HDAC9: variants seen among roughly 807,000 people sequenced by gnomAD.
HDAC9 encodes MEF-2 interacting transcription repressor (MITR) protein.
A neutral mutation model predicts 139.4 loss-of-function variants in HDAC9; 41 were observed. The observed-to-expected ratio is 0.29, with a 90% CI of 0.23 to 0.38. The LOEUF is 0.38. Among genes scored for constraint, HDAC9 ranks in the 10% least tolerant of loss-of-function variants. The probability of loss-of-function intolerance (pLI) is 1.00; values close to 1 mark genes in which losing one functional copy is unlikely to be tolerated. For synonymous variants in HDAC9, 517 were observed against 476.2 expected (o/e 1.09, Z -1.12); for missense variants, 1,147 against 1,297.0 (o/e 0.88, Z 1.78).
chr7:18,365,994 T>A (rs1784150992), intron 1 of HDAC9, among the ~76,000 whole-genome samples: 1 of 151,996 alleles, frequency 6.6e-6, no homozygotes, highest in Non-Finnish European at 1.5e-5. Flanking sequence ...AAAAATTGTT[T>A]TCTGTCACCA....
intron 21 of HDAC9, among the ~76,000 whole-genome samples, chr7:18,844,292 A>G (rs943276392): frequency 6.6e-6 from 1 of 152,140 alleles, no homozygotes; most frequent in Non-Finnish European, 1.5e-5. Context: ...GAGCTTATGA[A>G]CGACAAAGCT....
intron 2 of HDAC9, among the ~76,000 whole-genome samples, chr7:18,510,117 G>A (rs1422819413): frequency 6.6e-6 from 1 of 152,126 alleles, no homozygotes; most frequent in Non-Finnish European, 1.5e-5. Flanking sequence ...AGGTGTTAGA[G>A]CTTTTTGCCC....
At chr7:18,735,862 A>G (rs962544110) in intron 13 of HDAC9, among the ~76,000 whole-genome samples, 43 of 152,248 alleles carry the variant, frequency 2.8e-4, no homozygotes, top group Non-Finnish European at 4.3e-4. Flanking sequence ...CTTCCTAACC[A>G]TGAGCATAGA....
chr7:18,393,337 G>A (rs1246396584), intron 1 of HDAC9, among the ~76,000 whole-genome samples: 1 of 152,158 alleles, frequency 6.6e-6, no homozygotes, highest in Non-Finnish European at 1.5e-5. Context: ...ATCTTGACCA[G>A]ATAGGATCAG....
chr7:18,129,991 T>G (rs1048097973), intron 1 of HDAC9, among the ~76,000 whole-genome samples: 1 of 152,142 alleles, frequency 6.6e-6, no homozygotes, highest in African/African-American at 2.4e-5. Context: ...GATGATTAGT[T>G]CTTGGCTAGA....
intron 2 of HDAC9, among the ~76,000 whole-genome samples, chr7:18,226,730 A>C (rs946551362): frequency 1.3e-5 from 2 of 152,222 alleles, no homozygotes; most frequent in Non-Finnish European, 2.9e-5. Flanking sequence ...ATGTCTTAAC[A>C]CATCTGTGGA....
chr7:18,704,713 C>T (rs567651055), intron 12 of HDAC9, among the ~76,000 whole-genome samples: 3 of 152,254 alleles, frequency 2.0e-5, no homozygotes, highest in African/African-American at 7.2e-5. Context: ...TGATTTTAAA[C>T]ATCTGAGGAG....
intron 1 of HDAC9, among the ~76,000 whole-genome samples, chr7:18,428,242 A>G (rs374762305): frequency 6.6e-6 from 1 of 152,166 alleles, no homozygotes; most frequent in Non-Finnish European, 1.5e-5. Flanking sequence ...ACCGTTTTTC[A>G]TAGCAGTTGC....
At chr7:18,381,305 C>T (rs1785426681) in intron 1 of HDAC9, among the ~76,000 whole-genome samples, 1 of 150,998 alleles carries the variant, frequency 6.6e-6, no homozygotes, top group South Asian at 2.1e-4. Context: ...GGGTCTTTGA[C>T]CACATAGTTT....
intron 1 of HDAC9, among the ~76,000 whole-genome samples, chr7:18,451,718 G>T (rs1653944810): frequency 1.3e-5 from 2 of 151,862 alleles, no homozygotes; most frequent in Non-Finnish European, 1.5e-5. Flanking sequence ...TGGGTGGGGG[G>T]AAACATTTGC....
intron 25 of HDAC9, among the ~76,000 whole-genome samples, chr7:18,986,372 G>C (rs1785351034): frequency 2.4e-5 from 1 of 41,200 alleles, no homozygotes; most frequent in African/African-American, 9.9e-5. Context: ...TCAAAGATCA[G>C]ATAGTTGTAG....
At chr7:18,891,519 C>G (rs1800678439) in intron 22 of HDAC9, among the ~76,000 whole-genome samples, 1 of 152,186 alleles carries the variant, frequency 6.6e-6, no homozygotes, top group African/African-American at 2.4e-5. Flanking sequence ...ACTGCAGGCA[C>G]TTGAACAGTA....
At chr7:18,946,613 A>G (rs983613147) in intron 23 of HDAC9, among the ~76,000 whole-genome samples, 1 of 152,136 alleles carries the variant, frequency 6.6e-6, no homozygotes, top group Non-Finnish European at 1.5e-5. Context: ...AACCAAGAAG[A>G]TAAAACAATT....
At chr7:18,752,198 A>G (rs971779602) in intron 14 of HDAC9, among the ~76,000 whole-genome samples, 1 of 152,124 alleles carries the variant, frequency 6.6e-6, no homozygotes, top group African/African-American at 2.4e-5. Context: ...GAGTTGTTGA[A>G]GAATCAGGAG....
rs144094422 is a variant in HDAC9 at position 18,941,085 on chromosome 7, T to A, written c.2937+5143T>A. ...AGTACTGCAAGTTCAGCATTTACAC[T>A]TGGAGCATATAGCATGTTTTGATTT... On this transcript the variant is annotated intron_variant, in intron 23 of 25. Transcript: ENST00000686413. Among the ~76,000 whole-genome samples the A allele has an allele frequency of 2.6e-5, 4 of 152,260 alleles. No homozygotes were observed. The East Asian group carries it at 7.7e-4, about 29-fold the overall frequency.
At chr7:18,315,389 G>A (rs1376835427) in intron 1 of HDAC9, among the ~76,000 whole-genome samples, 4 of 152,056 alleles carry the variant, frequency 2.6e-5, no homozygotes, top group African/African-American at 7.2e-5. Flanking sequence ...GCTGCTCAAG[G>A]TCACAGAGCT....
chr7:18,560,756 G>A (rs1002107330), intron 2 of HDAC9, among the ~76,000 whole-genome samples: 9 of 152,266 alleles, frequency 5.9e-5, no homozygotes, highest in African/African-American at 2.2e-4. Flanking sequence ...CAGAGGTGAA[G>A]CATTTTGATG....
chr7:18,266,708 A>G (rs1796024878), intron 2 of HDAC9, among the ~76,000 whole-genome samples: 1 of 152,198 alleles, frequency 6.6e-6, no homozygotes, highest in South Asian at 2.1e-4. Context: ...ATACACTGTG[A>G]TACCACTGCC....
At position 18,131,212 on chromosome 7, in the gene HDAC9, G is replaced by A. The variant is rs56318250; in HGVS notation, c.-96-31017G>A. ...GATGGTATGTGTAAAGAACACATAC[G>A]TACCCAAATCTCTTCCAGTGATTTC... is the stretch of plus-strand genomic sequence containing the variant. On this transcript the variant is annotated intron_variant, in intron 1 of 12. Coordinates refer to the HDAC9 transcript ENST00000417496. Among the ~76,000 whole-genome samples the A allele has an allele frequency of 6.8e-4, 103 of 152,206 alleles. No homozygotes were observed. The Middle Eastern group carries it at 0.014, about 20-fold the overall frequency.
Sources: gnomAD v4.1 joint callset for allele counts (sites outside exome capture counted in the v4.1 genomes callset) on GRCh38, gnomAD v4.1.1 for gene constraint, MANE v1.5 for transcripts, NCBI Gene and HGNC (gene_info 2026-07-23, HGNC 2026-07-21) for gene names.